The following COL22A1 variants were observed in gnomAD, a reference collection of about 807,000 sequenced individuals.
COL22A1 encodes collagen type XXII alpha 1 chain, also known as collagen alpha-1(XXII) chain.
COL22A1 carries 221 observed loss-of-function variants against 248.9 expected under a neutral mutation model. That is an observed-to-expected ratio of 0.89 (90% CI 0.80 to 0.99). COL22A1 has a LOEUF of 0.99. Among genes scored for constraint, COL22A1 ranks in the 50% least tolerant of loss-of-function variants. The pLI is 0.00. For synonymous variants in COL22A1, 891 were observed against 793.4 expected, an observed-to-expected ratio of 1.12 and a Z score of -2.07; for missense variants, 2,240 against 2,179.0, an observed-to-expected ratio of 1.03 and a Z score of -0.56.
Position 138,626,261 on chromosome 8 carries a change from TA to T in COL22A1, c.3664-19del. ...TCTTTCCCCTAAAAGATCCAAGACA[TA>T]AAAACACCATGAAACCTCTGCTGGC... On this transcript the variant is annotated intron_variant, in intron 50 of 64. Coordinates refer to ENST00000303045, the MANE Select transcript of COL22A1 (RefSeq NM_152888.3). 6.2e-7 allele frequency: 1 copy of T among 1,601,866 alleles called. No individual in the cohort carries two copies. Among genetic ancestry groups the T allele is most frequent in the Non-Finnish European group, 8.5e-7 (1 of 1,171,862 alleles).
At chr8:138,699,880 T>C (rs1464408843) in intron 32 of COL22A1, among the ~76,000 whole-genome samples, 1 of 152,254 alleles carries the variant, frequency 6.6e-6, no homozygotes, top group Non-Finnish European at 1.5e-5. Context: ...CTCTTAGCTA[T>C]GAGAGGTGAC....
chr8:138,795,002 A>G (rs567167577), intron 12 of COL22A1, among the ~76,000 whole-genome samples: 6 of 152,094 alleles, frequency 3.9e-5, no homozygotes, highest in Non-Finnish European at 8.8e-5. Flanking sequence ...CGTGCCTATG[A>G]TCAACAGTAC....
intron 30 of COL22A1, among the ~76,000 whole-genome samples, chr8:138,704,121 G>T (rs1190233068): frequency 6.6e-6 from 1 of 152,208 alleles, no homozygotes; most frequent in Non-Finnish European, 1.5e-5. Context: ...AAACAAAGCA[G>T]CCGGGAGGCT....
At chr8:138,841,112 C>G (rs1323526375) in intron 4 of COL22A1, among the ~76,000 whole-genome samples, 3 of 152,142 alleles carry the variant, frequency 2.0e-5, no homozygotes, top group Non-Finnish European at 4.4e-5. Context: ...ATCCCTCCAT[C>G]CAGCCTCCCA....
intron 16 of COL22A1, among the ~76,000 whole-genome samples, chr8:138,774,449 T>C (rs748520836): frequency 1.5e-4 from 23 of 150,742 alleles, no homozygotes; most frequent in Non-Finnish European, 2.4e-4. Flanking sequence ...GACGGAGTCT[T>C]GCTCTGTCGC....
chr8:138,701,465 A>G (rs1047457794), intron 31 of COL22A1, among the ~76,000 whole-genome samples: 3 of 152,200 alleles, frequency 2.0e-5, no homozygotes, highest in African/African-American at 7.2e-5. Flanking sequence ...CTTGCCCTCC[A>G]TGTCCCCAAC....
At chr8:138,648,979 G>A (rs1031953682) in intron 46 of COL22A1, among the ~76,000 whole-genome samples, 1 of 152,162 alleles carries the variant, frequency 6.6e-6, no homozygotes, top group East Asian at 1.9e-4. Flanking sequence ...TGTCTGTAAT[G>A]CACATTATAT....
At chr8:138,748,245 C>A (rs1832292020) in intron 22 of COL22A1, among the ~76,000 whole-genome samples, 1 of 152,194 alleles carries the variant, frequency 6.6e-6, no homozygotes, top group Admixed American at 6.5e-5. Flanking sequence ...CTCTGAACAT[C>A]TGTAGTCTTC....
At chr8:138,764,948 T>C (rs1201143790) in intron 16 of COL22A1, among the ~76,000 whole-genome samples, 2 of 152,192 alleles carry the variant, frequency 1.3e-5, no homozygotes, top group African/African-American at 2.4e-5. Context: ...AGAGTGAGAC[T>C]CTGTCTCAAA....
chr8:138,607,789 T>C (rs1818540965), intron 57 of COL22A1, 147 bp downstream of exon 57: 1 of 663,980 alleles, frequency 1.5e-6, no homozygotes, highest in African/African-American at 1.8e-5. Context: ...CTATGGAGCC[T>C]CTTACCTCCA....
At chr8:138,710,638 A>G (rs1281744984) in intron 30 of COL22A1, among the ~76,000 whole-genome samples, 4 of 151,058 alleles carry the variant, frequency 2.6e-5, no homozygotes, top group African/African-American at 7.4e-5. Context: ...TCACAGATGA[A>G]GAAACTGAGG....
intron 60 of COL22A1, among the ~76,000 whole-genome samples, chr8:138,601,830 C>A (rs1818042581): frequency 1.3e-5 from 2 of 152,130 alleles, no homozygotes; most frequent in Admixed American, 6.5e-5. Flanking sequence ...CAAGGCTTGC[C>A]TTTGAATCTC....
intron 38 of COL22A1, among the ~76,000 whole-genome samples, 158 bp downstream of exon 38, chr8:138,685,050 G>A (rs932145467): frequency 6.6e-6 from 1 of 152,210 alleles, no homozygotes; most frequent in African/African-American, 2.4e-5. Flanking sequence ...CAGTCCATGA[G>A]GTTGTGCTGC....
intron 46 of COL22A1, 85 bp downstream of exon 46, chr8:138,649,580 C>T (rs1260029563): frequency 6.5e-7 from 1 of 1,540,750 alleles, no homozygotes; most frequent in Non-Finnish European, 8.8e-7. Flanking sequence ...TGAACACCTT[C>T]AGAGGCAGAT....
At chr8:138,682,446 C>T (rs540095382) in intron 39 of COL22A1, among the ~76,000 whole-genome samples, 100 of 152,262 alleles carry the variant, frequency 6.6e-4, no homozygotes, top group African/African-American at 2.2e-3. Flanking sequence ...TTTGAATATG[C>T]ATGTCAAATG....
At chr8:138,813,437 G>T (rs1214000180) in intron 7 of COL22A1, among the ~76,000 whole-genome samples, 1 of 152,138 alleles carries the variant, frequency 6.6e-6, no homozygotes, top group Non-Finnish European at 1.5e-5. Context: ...CTGCCACCAA[G>T]TAAGATGTCT....
chr8:138,870,776 T>C (rs1823277855), intron 3 of COL22A1, among the ~76,000 whole-genome samples: 1 of 151,592 alleles, frequency 6.6e-6, no homozygotes. Flanking sequence ...ACATGGTGTG[T>C]GTGGTATGTG....
intron 16 of COL22A1, among the ~76,000 whole-genome samples, chr8:138,765,959 G>C (rs1833883608): frequency 1.3e-5 from 2 of 152,218 alleles, no homozygotes; most frequent in African/African-American, 2.4e-5. Flanking sequence ...AGCTGCTGAT[G>C]AGACAGCTGC....
At chr8:138,760,317 G>C (rs907115370) in intron 17 of COL22A1, 30 bp from the exon 18 acceptor site, 14 of 1,591,312 alleles carry the variant, frequency 8.8e-6, no homozygotes, top group African/African-American at 1.3e-5. Context: ...GGCAGATTAT[G>C]ATGGGCACTA....
Sources: gnomAD v4.1 joint callset for allele counts (sites outside exome capture counted in the v4.1 genomes callset) on GRCh38, gnomAD v4.1.1 for gene constraint, MANE v1.5 for transcripts, NCBI Gene and HGNC (gene_info 2026-07-23, HGNC 2026-07-21) for gene names.